The following MAGI2 variants were observed in gnomAD, a reference collection of about 807,000 sequenced individuals.
MAGI2 encodes membrane-associated guanylate kinase, WW and PDZ domain-containing protein 2.
In MAGI2, 35 loss-of-function variants were observed where a neutral mutation model predicts 133.3. The ratio of observed to expected loss-of-function variants is 0.26; its 90% confidence interval spans 0.20 to 0.35. The LOEUF (loss-of-function observed/expected upper bound fraction) is 0.35, where lower values mean the gene tolerates loss of function less well. Ranked by LOEUF, MAGI2 falls within the 10% of genes least tolerant of loss-of-function variation. The pLI, the probability that MAGI2 is intolerant of heterozygous loss-of-function variation, is 1.00. For synonymous variants in MAGI2, 729 were observed against 710.6 expected, an observed-to-expected ratio of 1.03 and a Z score of -0.41; for missense variants, 1,636 against 1,863.4, an observed-to-expected ratio of 0.88 and a Z score of 2.25.
At chr7:79,011,924 CCTTTCTTT>C (rs147300397) in intron 1 of MAGI2, among the ~76,000 whole-genome samples, 17,859 of 119,780 alleles carry the variant, frequency 0.15, 2,183 homozygotes, top group African/African-American at 0.17. Flanking sequence ...TTCCTTCCTT[CCTTTCTTT>C]CTTTCTTTCT....
At chr7:78,657,734 T>A (rs570439959) in intron 2 of MAGI2, among the ~76,000 whole-genome samples, 2 of 152,208 alleles carry the variant, frequency 1.3e-5, no homozygotes, top group Non-Finnish European at 2.9e-5. Context: ...TAATGGTGAA[T>A]ACGTGGTTAC....
At chr7:78,178,795 C>G (rs1826916334) in intron 13 of MAGI2, among the ~76,000 whole-genome samples, 1 of 152,062 alleles carries the variant, frequency 6.6e-6, no homozygotes, top group Admixed American at 6.6e-5. Context: ...ATCACCGAAA[C>G]ATTTTAGAAT....
chr7:78,031,898 G>A (rs895534819), intron 21 of MAGI2, among the ~76,000 whole-genome samples: 17 of 151,768 alleles, frequency 1.1e-4, no homozygotes, highest in African/African-American at 4.1e-4. Flanking sequence ...TCTGTAAACC[G>A]TTTATGTGCA....
chr7:79,097,835 A>T (rs949999755), intron 1 of MAGI2, among the ~76,000 whole-genome samples: 1 of 152,142 alleles, frequency 6.6e-6, no homozygotes, highest in Admixed American at 6.6e-5. Context: ...AAAATAGCTG[A>T]TGTGGGCCAG....
chr7:78,650,543 A>C (rs530985966), intron 2 of MAGI2, among the ~76,000 whole-genome samples: 34 of 152,336 alleles, frequency 2.2e-4, no homozygotes, highest in African/African-American at 7.5e-4. Flanking sequence ...ACTTCAAAAT[A>C]TGTGTTCAGT....
At chr7:78,589,098 C>G (rs996788545) in intron 3 of MAGI2, among the ~76,000 whole-genome samples, 6 of 152,156 alleles carry the variant, frequency 3.9e-5, no homozygotes, top group African/African-American at 1.4e-4. Flanking sequence ...AAACTCCTAG[C>G]CTATCACAGA....
intron 1 of MAGI2, among the ~76,000 whole-genome samples, chr7:79,011,592 G>A (rs910728217): frequency 7.9e-5 from 12 of 152,094 alleles, no homozygotes; most frequent in African/African-American, 2.9e-4. Flanking sequence ...AGTGTAAACT[G>A]GAGAAAGCAG....
At position 79,406,617 on chromosome 7, in the gene MAGI2, T is replaced by C. The variant is rs76553235; in HGVS notation, c.301+46403A>G. 8.8e-3 allele frequency among the ~76,000 whole-genome samples: 1,335 copies of C among 152,252 alleles called. 13 individuals are homozygous for C. The highest frequency in any genetic ancestry group is 0.031 in the African/African-American group (1,281 of 41,566). ...CTGTGATTCATAGCTAATGAGTTCC[T>C]GTAAAAAGGCAATATAATCATTTTT... is the stretch of plus-strand genomic sequence containing the variant. On this transcript the variant is annotated intron_variant, in intron 1 of 21. Coordinates refer to ENST00000354212, the MANE Select transcript of MAGI2 (RefSeq NM_012301.4).
intron 1 of MAGI2, among the ~76,000 whole-genome samples, chr7:79,184,345 C>T (rs1826879502): frequency 1.3e-5 from 2 of 151,416 alleles, no homozygotes; most frequent in Admixed American, 1.3e-4. Context: ...GCACCAATAT[C>T]TCAGAAATCA....
intron 6 of MAGI2, among the ~76,000 whole-genome samples, chr7:78,393,094 T>C (rs1306212048): frequency 6.6e-6 from 1 of 152,194 alleles, no homozygotes; most frequent in Non-Finnish European, 1.5e-5. Context: ...TTTCTTTCTG[T>C]GGCTGAAACT....
At chr7:79,451,816 T>C (rs1457220674) in intron 1 of MAGI2, among the ~76,000 whole-genome samples, 1 of 152,174 alleles carries the variant, frequency 6.6e-6, no homozygotes, top group Non-Finnish European at 1.5e-5. Context: ...ACCCTTATGC[T>C]AATATGCCTG....
chr7:78,380,906 A>T (rs1794864379), intron 6 of MAGI2, among the ~76,000 whole-genome samples: 1 of 152,210 alleles, frequency 6.6e-6, no homozygotes, highest in South Asian at 2.1e-4. Flanking sequence ...TACCTGGCAC[A>T]AATATATGCT....
chr7:79,372,763 CT>C (rs1843128172), intron 1 of MAGI2, among the ~76,000 whole-genome samples: 1 of 152,000 alleles, frequency 6.6e-6, no homozygotes, highest in South Asian at 2.1e-4. Flanking sequence ...TAAATATAGA[CT>C]TCTGCTGGAG....
chr7:79,164,815 C>G (rs972449554), intron 1 of MAGI2, among the ~76,000 whole-genome samples: 1 of 152,016 alleles, frequency 6.6e-6, no homozygotes, highest in Admixed American at 6.6e-5. Context: ...ACCTGCACCC[C>G]GACCATCTTG....
chr7:78,500,809 C>T (rs912121537), intron 5 of MAGI2, among the ~76,000 whole-genome samples: 1 of 152,004 alleles, frequency 6.6e-6, no homozygotes, highest in African/African-American at 2.4e-5. Context: ...TTTTTTTTGG[C>T]TGGGCGCAGT....
intron 20 of MAGI2, among the ~76,000 whole-genome samples, chr7:78,082,278 AAGG>A (rs577879247): frequency 4.1e-4 from 63 of 152,304 alleles, no homozygotes; most frequent in African/African-American, 1.4e-3. Flanking sequence ...ATGAGACTTA[AAGG>A]AGAAGGCATT....
At chr7:78,486,109 T>C (rs1792975431) in intron 6 of MAGI2, 1 of 152,086 alleles carries the variant, frequency 6.6e-6, no homozygotes, top group Admixed American at 6.6e-5. Flanking sequence ...AGGCCGCTGC[T>C]GGACATTAAA....
At chr7:79,034,305 T>C (rs1810909176) in intron 1 of MAGI2, among the ~76,000 whole-genome samples, 1 of 152,210 alleles carries the variant, frequency 6.6e-6, no homozygotes, top group African/African-American at 2.4e-5. Flanking sequence ...ATTTGACCTG[T>C]CAAATGTAAC....
intron 1 of MAGI2, among the ~76,000 whole-genome samples, chr7:79,238,973 G>A (rs1468434402): frequency 1.3e-5 from 2 of 152,062 alleles, no homozygotes; most frequent in African/African-American, 4.8e-5. Context: ...TCCAAGAGAA[G>A]AAAATGAATG....
Sources: allele counts gnomAD v4.1 joint callset (sites outside exome capture counted in the v4.1 genomes callset), GRCh38; gene constraint gnomAD v4.1.1; transcripts MANE v1.5; gene names NCBI Gene and HGNC (gene_info 2026-07-23, HGNC 2026-07-21).